PCED1B: variants seen among roughly 807,000 people sequenced by gnomAD.
PCED1B encodes PC-esterase domain-containing protein 1B.
For missense variants in PCED1B, 573 were observed against 573.9 expected (o/e 1.00, Z 0.02); for synonymous variants, 251 against 246.1 (o/e 1.02, Z -0.19).
intron 2 of PCED1B, chr12:47,210,283 A>G (rs1287300095): frequency 3.9e-5 from 6 of 152,262 alleles, no homozygotes; most frequent in Admixed American, 2.0e-4. Context: ...AAATAACCAC[A>G]ATCAGAGTCT....
At chr12:47,214,474 G>A (rs1391942345) in intron 2 of PCED1B, among the ~76,000 whole-genome samples, 1 of 152,004 alleles carries the variant, frequency 6.6e-6, no homozygotes. Context: ...CTTTGGCTGG[G>A]ATACAAATTA....
chr12:47,230,529 C>T (rs111304650), intron 3 of PCED1B, among the ~76,000 whole-genome samples: 2,462 of 152,138 alleles, frequency 0.016, 41 homozygotes, highest in Non-Finnish European at 0.023. Flanking sequence ...CTGCAACCTC[C>T]GCCTCCCAGG....
intron 2 of PCED1B, among the ~76,000 whole-genome samples, chr12:47,106,515 T>A (rs1033570930): frequency 4.5e-4 from 69 of 152,242 alleles, no homozygotes; most frequent in African/African-American, 1.6e-3. Flanking sequence ...GTGCTCAGGA[T>A]AAGGTGAAGT....
At chr12:47,215,865 G>T (rs1943242438) in intron 2 of PCED1B, among the ~76,000 whole-genome samples, 1 of 135,078 alleles carries the variant, frequency 7.4e-6, no homozygotes, top group Admixed American at 7.1e-5. Context: ...GACCAGACTG[G>T]CCAACATGGT....
Position 47,235,353 on chromosome 12 carries a change from T to C in PCED1B, c.290T>C (p.Val97Ala), listed in dbSNP as rs1487158155. 5.0e-6 allele frequency: 8 copies of C among 1,614,030 alleles called. No homozygotes were observed. In the South Asian group the frequency reaches 7.7e-5, roughly 16 times the overall value. ...GTACGTTTTTACTTCCTCACCCGCG[T>C]GTACTCCGATTACCTCCAGACCATC... ...HLVRFYFLTRVYSDYLQTILK... is the reference protein window; with the variant it reads ...HLVRFYFLTRAYSDYLQTILK... The change falls in exon 4 of 4, where the codon GTG (valine) becomes GCG (alanine). Residue 97 changes from valine to alanine, a missense_variant. Coordinates refer to ENST00000546455, the MANE Select transcript of PCED1B (RefSeq NM_138371.3).
chr12:47,235,597 G>A lies in PCED1B; in HGVS notation c.534G>A (p.Pro178=), dbSNP rs748809505. 48 of 1,608,366 alleles carry A rather than the reference G, an allele frequency of 3.0e-5. No homozygotes were observed. Among genetic ancestry groups the A allele is most frequent in the Non-Finnish European group, 3.7e-5 (44 of 1,176,766 alleles). ...VGEEVTGGFL[P]PKLRRQKATF... ...AGGAAGTCACCGGGGGTTTTCTTCC[G>A]CCCAAGCTCCGGCGGCAGAAGGCCA... is the stretch of plus-strand genomic sequence containing the variant. The change falls in exon 4 of 4, where the codon CCG becomes CCA. Residue 178 remains proline (P), a synonymous_variant. Transcript: ENST00000546455.
intron 2 of PCED1B, chr12:47,135,630 G>C (rs952704943): frequency 2.0e-6 from 1 of 502,820 alleles, no homozygotes; most frequent in Non-Finnish European, 4.0e-6. Context: ...CCATCTTCCT[G>C]TCCATAGACT....
At chr12:47,175,897 C>T (rs1232343053) in intron 2 of PCED1B, among the ~76,000 whole-genome samples, 7 of 143,112 alleles carry the variant, frequency 4.9e-5, no homozygotes, top group African/African-American at 1.5e-4. Context: ...AATTTTATTT[C>T]TTTTTTTTTT....
chr12:47,086,655 C>T (rs913183274), intron 1 of PCED1B, among the ~76,000 whole-genome samples: 48 of 152,152 alleles, frequency 3.2e-4, no homozygotes, highest in African/African-American at 1.1e-3. Context: ...CTAGAATTAT[C>T]GTTATCTCTT....
chr12:47,097,977 G>A (rs1238610302), intron 1 of PCED1B, among the ~76,000 whole-genome samples: 3 of 152,208 alleles, frequency 2.0e-5, no homozygotes, highest in African/African-American at 7.2e-5. Flanking sequence ...TTATGCCATA[G>A]CAAATAAGGT....
chr12:47,236,254 T>G lies in PCED1B; in HGVS notation c.1191T>G (p.His397Gln), dbSNP rs754671446. 4 of 1,614,114 alleles carry G rather than the reference T, an allele frequency of 2.5e-6. No individual in the cohort carries two copies. The South Asian group carries it at 4.4e-5, about 18-fold the overall frequency. ...ATCAGCGGCCTGCCCCAGTGGTACA[T>G]AGGGGTTTTGGCAGGTATCGTCCCC... ...PRYQRPAPVV[H>Q]RGFGRYRPRG... The change falls in exon 4 of 4, where the codon CAT (histidine) becomes CAG (glutamine). Residue 397 changes from histidine (H) to glutamine (Q), a missense_variant. Physicochemically the swap from His to Gln is conservative, Grantham distance 24 (BLOSUM62 0). Coordinates refer to ENST00000546455, the MANE Select transcript of PCED1B (RefSeq NM_138371.3).
At chr12:47,203,928 T>C (rs1205418906) in intron 2 of PCED1B, among the ~76,000 whole-genome samples, 6 of 152,236 alleles carry the variant, frequency 3.9e-5, no homozygotes, top group African/African-American at 1.4e-4. Flanking sequence ...AACTAATTTA[T>C]ATGCCCACCA....
At chr12:47,121,014 C>T (rs1471350513) in intron 2 of PCED1B, among the ~76,000 whole-genome samples, 1 of 152,012 alleles carries the variant, frequency 6.6e-6, no homozygotes, top group African/African-American at 2.4e-5. Context: ...AGAAAAGGGA[C>T]ATAGCTAAAG....
intron 1 of PCED1B, among the ~76,000 whole-genome samples, chr12:47,102,773 G>A (rs934933909): frequency 1.3e-5 from 2 of 152,150 alleles, no homozygotes; most frequent in African/African-American, 2.4e-5. Flanking sequence ...TAGCAATGAC[G>A]TATAGGAGCA....
At chr12:47,184,822 T>C (rs1209318819) in intron 2 of PCED1B, among the ~76,000 whole-genome samples, 1 of 152,210 alleles carries the variant, frequency 6.6e-6, no homozygotes, top group African/African-American at 2.4e-5. Flanking sequence ...ACCTTACTTA[T>C]TTTTCTAATT....
chr12:47,132,535 G>A (rs189414925), intron 2 of PCED1B, among the ~76,000 whole-genome samples: 1 of 152,124 alleles, frequency 6.6e-6, no homozygotes, highest in Non-Finnish European at 1.5e-5. Context: ...TCTCACCCAG[G>A]ATGGTTTATT....
chr12:47,148,548 A>C (rs1940875449), intron 2 of PCED1B, among the ~76,000 whole-genome samples: 1 of 152,202 alleles, frequency 6.6e-6, no homozygotes, highest in African/African-American at 2.4e-5. Flanking sequence ...ACAGCCCCTG[A>C]AACTCCCAGT....
intron 2 of PCED1B, among the ~76,000 whole-genome samples, chr12:47,163,035 A>T (rs2137514289): frequency 6.6e-6 from 1 of 152,314 alleles, no homozygotes; most frequent in South Asian, 2.1e-4. Flanking sequence ...TGACATCTCA[A>T]CAATATTAAG....
intron 3 of PCED1B, among the ~76,000 whole-genome samples, chr12:47,224,561 A>C (rs1383226303): frequency 6.6e-6 from 1 of 152,210 alleles, no homozygotes; most frequent in African/African-American, 2.4e-5. Context: ...TCCTTCCTCC[A>C]CAAAGTAAAC....
Sources: gnomAD v4.1 joint callset for allele counts (sites outside exome capture counted in the v4.1 genomes callset) on GRCh38, gnomAD v4.1.1 for gene constraint, MANE v1.5 for transcripts, NCBI Gene and HGNC (gene_info 2026-07-23, HGNC 2026-07-21) for gene names.